Variants in NEGR1 observed in about 807,000 individuals in gnomAD.
The protein encoded by NEGR1 is IgLON family member 4.
NEGR1 carries 10 observed loss-of-function variants against 40.9 expected under a neutral mutation model. That is an observed-to-expected ratio of 0.24 (90% CI 0.15 to 0.42). NEGR1 has a LOEUF of 0.42. Ranked by LOEUF, NEGR1 falls within the 10% of genes least tolerant of loss-of-function variation. The probability of loss-of-function intolerance (pLI) is 1.00; values close to 1 mark genes in which losing one functional copy is unlikely to be tolerated. For synonymous variants in NEGR1, 185 were observed against 166.8 expected (o/e 1.11, Z -0.84); for missense variants, 352 against 438.9 (o/e 0.80, Z 1.77).
At chr1:71,746,622 T>C (rs1655391635) in intron 3 of NEGR1, among the ~76,000 whole-genome samples, 1 of 152,052 alleles carries the variant, frequency 6.6e-6, no homozygotes, top group Non-Finnish European at 1.5e-5. Flanking sequence ...GCTAAATCCA[T>C]TTTCCTCAAT....
At chr1:72,267,985 T>C (rs1243571020) in intron 1 of NEGR1, among the ~76,000 whole-genome samples, 1 of 150,700 alleles carries the variant, frequency 6.6e-6, no homozygotes, top group Non-Finnish European at 1.5e-5. Context: ...GCATCCCAGA[T>C]GGAAAAAAAA....
At chr1:71,623,923 T>C (rs1293419945) in intron 4 of NEGR1, among the ~76,000 whole-genome samples, 1 of 151,880 alleles carries the variant, frequency 6.6e-6, no homozygotes, top group Non-Finnish European at 1.5e-5. Context: ...AAAGTCTCAC[T>C]GACAAAACAG....
At chr1:71,934,973 A>G (rs11209871) in intron 2 of NEGR1, 106 bp downstream of exon 2, 108,601 of 690,284 alleles carry the variant, frequency 0.16, 10,677 homozygotes, top group East Asian at 0.43. Flanking sequence ...TTCAATGACA[A>G]CAAATATTTC....
rs190791814 is a variant in NEGR1, at chr1:71,823,827, G to A, written c.410-47530C>T. Among the ~76,000 whole-genome samples, 676 of 152,130 alleles carry A rather than the reference G, an allele frequency of 4.4e-3. 21 individuals carry two copies. Among genetic ancestry groups the A allele is most frequent in the Admixed American group, 0.039 (591 of 15,270 alleles). ...TACTGCCTGCAGATTTACGGCCAAC[G>A]CCGCCTATTTTGCCATCTGGGTCAA... On this transcript the variant is annotated intron_variant, in intron 2 of 6. Transcript: ENST00000357731.
chr1:72,057,749 T>C (rs1398057706), intron 1 of NEGR1, among the ~76,000 whole-genome samples: 1 of 151,482 alleles, frequency 6.6e-6, no homozygotes, highest in Non-Finnish European at 1.5e-5. Flanking sequence ...TGTGCCAGCA[T>C]GGTTGGTGTC....
At chr1:71,996,022 A>G (rs1299990241) in intron 1 of NEGR1, among the ~76,000 whole-genome samples, 2 of 152,214 alleles carry the variant, frequency 1.3e-5, no homozygotes, top group East Asian at 1.9e-4. Context: ...AATTACAAAA[A>G]GAGGAATAAG....
chr1:71,451,821 T>C (rs938732529), intron 6 of NEGR1, among the ~76,000 whole-genome samples: 1 of 152,226 alleles, frequency 6.6e-6, no homozygotes, highest in Non-Finnish European at 1.5e-5. Flanking sequence ...AAATATTAGA[T>C]AATCCTATTG....
intron 4 of NEGR1, among the ~76,000 whole-genome samples, chr1:71,691,086 T>C (rs1475995503): frequency 1.3e-5 from 2 of 151,946 alleles, no homozygotes; most frequent in Non-Finnish European, 2.9e-5. Context: ...CATGGGAGAA[T>C]ACACTTCAGT....
chr1:71,612,649 T>C (rs796963527), intron 4 of NEGR1, among the ~76,000 whole-genome samples: 7 of 152,278 alleles, frequency 4.6e-5, no homozygotes, highest in African/African-American at 1.7e-4. Flanking sequence ...GTAAGAGGAA[T>C]CAGAGAATGG....
intron 3 of NEGR1, among the ~76,000 whole-genome samples, chr1:71,718,331 G>A (rs1046924858): frequency 2.6e-5 from 4 of 152,064 alleles, no homozygotes; most frequent in East Asian, 3.9e-4. Flanking sequence ...CACCACTCTC[G>A]CTTGCTCCTA....
chr1:72,077,626 C>CAATAAATAAATAAATA (rs3080202), intron 1 of NEGR1, among the ~76,000 whole-genome samples: 2 of 146,944 alleles, frequency 1.4e-5, no homozygotes, highest in East Asian at 2.1e-4. Flanking sequence ...TCTGTCTCTA[C>CAATAAATAAATAAATA]AATAAATAAA....
chr1:72,270,389 G>C (rs1258156406), intron 1 of NEGR1, among the ~76,000 whole-genome samples: 1 of 151,840 alleles, frequency 6.6e-6, no homozygotes, highest in Non-Finnish European at 1.5e-5. Flanking sequence ...AGGCAACAAT[G>C]GCAATGTATA....
At chr1:71,696,405 G>A (rs1020070557) in intron 4 of NEGR1, among the ~76,000 whole-genome samples, 2 of 151,832 alleles carry the variant, frequency 1.3e-5, no homozygotes, top group East Asian at 1.9e-4. Context: ...CAGAGACATC[G>A]TTTTAAAGAC....
At chr1:71,446,320 C>T (rs1426623035) in intron 6 of NEGR1, among the ~76,000 whole-genome samples, 2 of 151,962 alleles carry the variant, frequency 1.3e-5, no homozygotes, top group Non-Finnish European at 2.9e-5. Context: ...TCTCAGAAAA[C>T]AAAGCTAGGA....
At chr1:72,045,062 G>T (rs1006337267) in intron 1 of NEGR1, among the ~76,000 whole-genome samples, 4 of 151,822 alleles carry the variant, frequency 2.6e-5, no homozygotes, top group East Asian at 3.9e-4. Flanking sequence ...ATACTCACAA[G>T]GAATTCCTAG....
chr1:71,766,782 T>C (rs1203404166), intron 3 of NEGR1, among the ~76,000 whole-genome samples: 2 of 152,010 alleles, frequency 1.3e-5, no homozygotes, highest in Non-Finnish European at 2.9e-5. Context: ...TGGGGGGAGT[T>C]TTCATAAACA....
intron 1 of NEGR1, among the ~76,000 whole-genome samples, chr1:71,978,309 TGAACTGATCTATTGA>T (rs1646324560): frequency 6.6e-6 from 1 of 152,174 alleles, no homozygotes; most frequent in Non-Finnish European, 1.5e-5. Flanking sequence ...TTGAATGAAG[TGAACTGATCTATTGA>T]CATTTAAGAA....
Position 72,062,723 on chromosome 1 carries a change from A to T in NEGR1, c.177-127412T>A, listed in dbSNP as rs780907306. Among the ~76,000 whole-genome samples, 69 of 151,904 alleles carry T rather than the reference A, an allele frequency of 4.5e-4. 1 individual carries two copies. The highest frequency in any genetic ancestry group is 7.9e-4 in the Non-Finnish European group (54 of 67,926). On this transcript the variant is annotated intron_variant, in intron 1 of 6. Transcript: ENST00000357731. Reference sequence around the variant, plus strand: ...CTAAGGAAAGTACAGACTAGCTGGTACTCCAGCATCTGGGGCAGGAGCTAA... The same window carrying T: ...CTAAGGAAAGTACAGACTAGCTGGTTCTCCAGCATCTGGGGCAGGAGCTAA...
In NEGR1 at chr1:71,614,701, G is replaced by A. The variant is rs191341687; in HGVS notation, c.668-3555C>T. On this transcript the variant is annotated intron_variant, in intron 4 of 6. Transcript: ENST00000357731. Reference sequence around the variant, plus strand: ...GTTTAATTACTCTCTTGTTTGTCAAGGGGGCCATGACTCATTATAAACAAA... The same window carrying A: ...GTTTAATTACTCTCTTGTTTGTCAAAGGGGCCATGACTCATTATAAACAAA... Among the ~76,000 whole-genome samples the A allele has an allele frequency of 4.6e-4, 70 of 152,224 alleles. No homozygotes were observed. In the East Asian group the frequency reaches 0.01, roughly 22 times the overall value.
Sources: gnomAD v4.1 joint callset for allele counts (sites outside exome capture counted in the v4.1 genomes callset) on GRCh38, gnomAD v4.1.1 for gene constraint, MANE v1.5 for transcripts, NCBI Gene and HGNC (gene_info 2026-07-23, HGNC 2026-07-21) for gene names.